PMM2: variants seen among roughly 807,000 people sequenced by gnomAD.
PMM2 encodes the protein mannose-6-phosphate isomerase.
Under a neutral mutation model 33.2 loss-of-function variants are expected in PMM2, and 35 were observed. The ratio of observed to expected loss-of-function variants is 1.06; its 90% CI spans 0.81 to 1.40. The LOEUF (loss-of-function observed/expected upper bound fraction) is 1.40, where lower values mean the gene tolerates loss of function less well. Ranked by LOEUF, PMM2 falls within the 40% of genes most tolerant of loss-of-function variation. The probability of loss-of-function intolerance (pLI) is 0.00; values close to 1 mark genes in which losing one functional copy is unlikely to be tolerated. For synonymous variants in PMM2, 153 were observed against 114.7 expected (o/e 1.33, Z -2.13); for missense variants, 386 against 306.0 (o/e 1.26, Z -1.95).
intron 1 of PMM2, among the ~76,000 whole-genome samples, chr16:8,798,866 G>A (rs2060594959): frequency 6.6e-6 from 1 of 152,096 alleles, no homozygotes; most frequent in African/African-American, 2.4e-5. Flanking sequence ...GGTAACAATG[G>A]TGTGCTCCAG....
intron 7 of PMM2, chr16:8,842,361 C>G (rs536723344): frequency 1.1e-4 from 16 of 152,198 alleles, no homozygotes; most frequent in African/African-American, 3.6e-4. Flanking sequence ...AGAAGAAGGT[C>G]ATCAATATAT....
intron 7 of PMM2, among the ~76,000 whole-genome samples, chr16:8,831,551 C>T (rs1175572191): frequency 6.6e-6 from 1 of 152,096 alleles, no homozygotes; most frequent in Non-Finnish European, 1.5e-5. Context: ...AAATAAGAGT[C>T]CCGACCACGA....
intron 1 of PMM2, among the ~76,000 whole-genome samples, chr16:8,799,829 A>G (rs2060602814): frequency 6.6e-6 from 1 of 152,128 alleles, no homozygotes; most frequent in African/African-American, 2.4e-5. Flanking sequence ...TACAGGCGTG[A>G]GCCACCGTGT....
chr16:8,797,938 C>A lies in PMM2; in HGVS notation c.56C>A (p.Ala19Asp), dbSNP rs750307011. 3.7e-6 allele frequency: 6 copies of A among 1,606,856 alleles called. No individual in the cohort carries two copies. Among genetic ancestry groups the A allele is most frequent in the Admixed American group, 3.4e-5 (2 of 59,128 alleles). Residue 19 changes from alanine to aspartate, a missense_variant, in exon 1 of 8, where the codon GCC becomes GAC. Physicochemically the swap from Ala to Asp is moderately radical, Grantham distance 126. Transcript: ENST00000268261. ...CLFDVDGTLT[A>D]PRQKITKEMD... ...TTCGACGTGGATGGGACCCTCACCGCCCCGCGGCAGGTAAGTGGCGGCCGG... is the reference window on the plus strand; with the variant it reads ...TTCGACGTGGATGGGACCCTCACCGACCCGCGGCAGGTAAGTGGCGGCCGG...
intron 7 of PMM2, chr16:8,832,843 G>A (rs1340072859): frequency 2.0e-6 from 2 of 985,384 alleles, no homozygotes; most frequent in Middle Eastern, 5.2e-4. Context: ...TTCTCTGATG[G>A]CCACATGGCC....
chr16:8,836,901 C>T (rs1468862633), intron 7 of PMM2, among the ~76,000 whole-genome samples: 1 of 151,898 alleles, frequency 6.6e-6, no homozygotes, highest in African/African-American at 2.4e-5. Context: ...GCCTTTAGCT[C>T]CAGCCACCTT....
chr16:8,842,827 G>A (rs2141047110), intron 7 of PMM2, among the ~76,000 whole-genome samples: 1 of 152,296 alleles, frequency 6.6e-6, no homozygotes, highest in East Asian at 1.9e-4. Flanking sequence ...CGTGCTGTGG[G>A]ATGGGATATT....
intron 7 of PMM2, chr16:8,832,632 A>G: frequency 1.0e-6 from 1 of 985,390 alleles, no homozygotes; most frequent in South Asian, 4.7e-5. Context: ...GGCCGGCTGC[A>G]GGAGCCTCCT....
At chr16:8,798,023 C>T (rs983421550) in intron 1 of PMM2, 75 bp downstream of exon 1, 3 of 1,445,182 alleles carry the variant, frequency 2.1e-6, no homozygotes, top group Non-Finnish European at 2.8e-6. Flanking sequence ...ATCGACCACC[C>T]AGGGTAGGCG....
intron 7 of PMM2, among the ~76,000 whole-genome samples, chr16:8,824,651 T>G (rs1042083016): frequency 1.3e-5 from 2 of 152,134 alleles, no homozygotes; most frequent in East Asian, 1.9e-4. Context: ...TTTTGGACTT[T>G]AGGGGACTTT....
intron 2 of PMM2, chr16:8,802,166 A>T (rs2141017219): frequency 2.0e-6 from 1 of 494,030 alleles, no homozygotes; most frequent in Admixed American, 2.3e-5. Flanking sequence ...GTATCTGCAC[A>T]TGATAATCTC....
intron 2 of PMM2, among the ~76,000 whole-genome samples, chr16:8,802,634 GC>G (rs1354047549): frequency 2.6e-5 from 4 of 151,986 alleles, no homozygotes; most frequent in Non-Finnish European, 5.9e-5. Flanking sequence ...TTTGAGACCA[GC>G]CTGGCCGACA....
intron 2 of PMM2, chr16:8,802,440 T>A (rs1843165176): frequency 5.4e-6 from 2 of 372,806 alleles, no homozygotes; most frequent in Non-Finnish European, 5.3e-6. Context: ...TGTAGCATTC[T>A]GTAATTATTG....
chr16:8,833,766 A>G (rs986054088), intron 7 of PMM2, among the ~76,000 whole-genome samples: 14 of 152,042 alleles, frequency 9.2e-5, no homozygotes, highest in African/African-American at 3.1e-4. Flanking sequence ...AGAAGGAGAA[A>G]AACAGGTATA....
intron 2 of PMM2, among the ~76,000 whole-genome samples, chr16:8,804,019 T>G (rs1417218687): frequency 1.8e-5 from 2 of 112,988 alleles, no homozygotes; most frequent in Non-Finnish European, 3.6e-5. Flanking sequence ...TTTTGTTTTT[T>G]GGGTTTTTTT....
chr16:8,821,565 C>A (rs2060739671), intron 7 of PMM2, among the ~76,000 whole-genome samples: 1 of 152,202 alleles, frequency 6.6e-6, no homozygotes, highest in African/African-American at 2.4e-5. Flanking sequence ...GCAGAATCGG[C>A]ATCTCCTGTG....
chr16:8,814,775 A>G (rs2060697108), intron 7 of PMM2, among the ~76,000 whole-genome samples: 1 of 152,154 alleles, frequency 6.6e-6, no homozygotes, highest in East Asian at 1.9e-4. Context: ...GAGTTTAATC[A>G]TTGTGCCTCT....
At chr16:8,808,376 A>G (rs867339553) in intron 4 of PMM2, 35 of 152,184 alleles carry the variant, frequency 2.3e-4, no homozygotes, top group African/African-American at 7.0e-4. Flanking sequence ...AGGATTTAAA[A>G]AAAAAAAAGG....
intron 6 of PMM2, among the ~76,000 whole-genome samples, chr16:8,811,922 C>T (rs752039470): frequency 6.6e-6 from 1 of 152,210 alleles, no homozygotes; most frequent in African/African-American, 2.4e-5. Flanking sequence ...ACAGCTTACA[C>T]GCTGTTGGGC....
Sources: allele counts gnomAD v4.1 joint callset (sites outside exome capture counted in the v4.1 genomes callset), GRCh38; gene constraint gnomAD v4.1.1; transcripts MANE v1.5; gene names NCBI Gene and HGNC (gene_info 2026-07-23, HGNC 2026-07-21).